The following RAB38 variants were observed in gnomAD, a reference collection of about 807,000 sequenced individuals.
The protein encoded by RAB38 is RAB38, member RAS oncogene family.
A neutral mutation model predicts 18.4 loss-of-function variants in RAB38; 15 were observed. That is an observed-to-expected ratio of 0.82 (90% confidence interval 0.55 to 1.26). The LOEUF (loss-of-function observed/expected upper bound fraction) is 1.26, where lower values mean the gene tolerates loss of function less well. Ranked by LOEUF, RAB38 falls within the 50% of genes most tolerant of loss-of-function variation. The pLI, the probability that RAB38 is intolerant of heterozygous loss-of-function variation, is 0.00. For missense variants in RAB38, 294 were observed against 267.4 expected (o/e 1.10, Z -0.69); for synonymous variants, 101 against 104.4 (o/e 0.97, Z 0.20).
At chr11:87,833,692 C>T in the RAB38 span, among the ~76,000 whole-genome samples, 3 of 152,184 alleles carry the variant, frequency 2.0e-5, no homozygotes, top group African/African-American at 7.2e-5. Flanking sequence ...TGTTAAATAA[C>T]TTGTCCTAAA....
the RAB38 span, among the ~76,000 whole-genome samples, chr11:87,957,692 G>A: frequency 7.2e-5 from 11 of 152,026 alleles, no homozygotes; most frequent in Admixed American, 3.3e-4. Flanking sequence ...AGAGAGTGAC[G>A]TTTCTAGGTT....
the RAB38 span, among the ~76,000 whole-genome samples, chr11:87,947,614 C>T: frequency 2.0e-5 from 3 of 152,178 alleles, no homozygotes; most frequent in South Asian, 4.1e-4. Flanking sequence ...TATGGCTAGC[C>T]AGTTTTCCCA....
At chr11:87,914,498 T>C in the RAB38 span, among the ~76,000 whole-genome samples, 6 of 152,068 alleles carry the variant, frequency 3.9e-5, no homozygotes, top group Non-Finnish European at 5.9e-5. Flanking sequence ...TCATGCTCAG[T>C]TATGGGAGCA....
the RAB38 span, among the ~76,000 whole-genome samples, chr11:87,878,337 ATCTATCTATCATCTG>A: frequency 1.1e-4 from 17 of 149,340 alleles, no homozygotes; most frequent in South Asian, 4.3e-4. Flanking sequence ...TCTATCATCT[ATCTATCTATCATCTG>A]TCTATCTATC....
chr11:87,944,260 C>T, the RAB38 span, among the ~76,000 whole-genome samples: 1 of 152,052 alleles, frequency 6.6e-6, no homozygotes, highest in Non-Finnish European at 1.5e-5. Context: ...TGCTACAAAC[C>T]TTCAATTGCA....
the RAB38 span, among the ~76,000 whole-genome samples, chr11:87,972,765 A>T: frequency 2.4e-3 from 358 of 152,146 alleles, 1 homozygote; most frequent in African/African-American, 7.6e-3. Context: ...TATATTTTTT[A>T]AAAAAAGTCA....
At chr11:88,052,901 CATATATATAT>C in the RAB38 span, among the ~76,000 whole-genome samples, 20 of 21,522 alleles carry the variant, frequency 9.3e-4, no homozygotes, top group East Asian at 3.8e-3. Context: ...GAAAAAATTT[CATATATATAT>C]ATATATATAT....
intron 2 of RAB38, among the ~76,000 whole-genome samples, chr11:88,148,419 T>C (rs1231277119): frequency 6.6e-6 from 1 of 152,208 alleles, no homozygotes; most frequent in Non-Finnish European, 1.5e-5. Flanking sequence ...TTCCTATCTA[T>C]AGCCACTACT....
At chr11:87,918,578 A>G in the RAB38 span, among the ~76,000 whole-genome samples, 126 of 152,204 alleles carry the variant, frequency 8.3e-4, 1 homozygote, top group African/African-American at 3.0e-3. Flanking sequence ...GCCATTTTAC[A>G]GGTATTAGAT....
chr11:88,098,789 A>G, the RAB38 span: 9 of 152,042 alleles, frequency 5.9e-5, no homozygotes, highest in South Asian at 2.1e-4. Context: ...GATTTATTAG[A>G]TAATAGCGAA....
At chr11:87,869,557 A>AGCAG in the RAB38 span, among the ~76,000 whole-genome samples, 15 of 151,362 alleles carry the variant, frequency 9.9e-5, no homozygotes. Context: ...GATAAATCAC[A>AGCAG]GCAGCAGGTG....
intron 1 of RAB38, among the ~76,000 whole-genome samples, chr11:88,161,795 G>C (rs1434842790): frequency 6.6e-6 from 1 of 151,970 alleles, no homozygotes; most frequent in Non-Finnish European, 1.5e-5. Flanking sequence ...TTTCAGCCTG[G>C]ATTATTATGC....
chr11:87,973,037 G>C, the RAB38 span, among the ~76,000 whole-genome samples: 1 of 151,824 alleles, frequency 6.6e-6, no homozygotes, highest in Non-Finnish European at 1.5e-5. Context: ...CACCATGATT[G>C]TAAGTTTCCT....
the RAB38 span, among the ~76,000 whole-genome samples, chr11:87,913,629 G>C: frequency 6.6e-6 from 1 of 152,090 alleles, no homozygotes. Flanking sequence ...GCCCTAGTGG[G>C]AGATATGTGA....
At position 88,153,177 on chromosome 11, in the gene RAB38, A is replaced by G. The variant is rs553280330; in HGVS notation, c.203-3222T>C. ...TACCAGAACAGGCTCAGACACATGT[A>G]TTTCTCTCCCTGAGACTCAGTTTTC... On this transcript the variant is annotated intron_variant, in intron 1 of 2. Transcript: ENST00000243662. Among the ~76,000 whole-genome samples the G allele has an allele frequency of 6.6e-5, 10 of 152,304 alleles. No individual in the cohort carries two copies. In the East Asian group the frequency reaches 1.9e-3, roughly 29 times the overall value.
intron 2 of RAB38, among the ~76,000 whole-genome samples, chr11:88,138,826 A>G (rs1942868646): frequency 6.7e-6 from 1 of 150,364 alleles, no homozygotes; most frequent in Non-Finnish European, 1.5e-5. Context: ...TCTGTCGCCC[A>G]GGCTGGAGTG....
At chr11:88,104,809 C>T in the RAB38 span, among the ~76,000 whole-genome samples, 2 of 152,080 alleles carry the variant, frequency 1.3e-5, no homozygotes, top group African/African-American at 4.8e-5. Context: ...CATTTATGAA[C>T]CTTGCTTATC....
chr11:87,891,234 T>G, the RAB38 span, among the ~76,000 whole-genome samples: 1 of 151,870 alleles, frequency 6.6e-6, no homozygotes, highest in African/African-American at 2.4e-5. Flanking sequence ...TCATCATTGC[T>G]AAAACACCAG....
chr11:88,035,782 C>T, the RAB38 span, among the ~76,000 whole-genome samples: 4 of 152,294 alleles, frequency 2.6e-5, no homozygotes, highest in African/African-American at 9.6e-5. Context: ...AATTTCTCCT[C>T]CTGCTTTATG....
Sources: gnomAD v4.1 joint callset for allele counts (sites outside exome capture counted in the v4.1 genomes callset) on GRCh38, gnomAD v4.1.1 for gene constraint, MANE v1.5 for transcripts, NCBI Gene and HGNC (gene_info 2026-07-23, HGNC 2026-07-21) for gene names.